MEI1: variants seen among roughly 807,000 people sequenced by gnomAD.
The protein encoded by MEI1 is meiotic double-stranded break formation protein 1.
A neutral mutation model predicts 146.2 loss-of-function variants in MEI1; 103 were observed. The observed-to-expected ratio is 0.70, with a 90% CI of 0.60 to 0.83. The LOEUF is 0.83. Among genes scored for constraint, MEI1 ranks in the 40% least tolerant of loss-of-function variants. MEI1 has a pLI of 0.00. For missense variants in MEI1, 1,529 were observed against 1,533.0 expected, an observed-to-expected ratio of 1.00 and a Z score of 0.04; for synonymous variants, 652 against 628.2, an observed-to-expected ratio of 1.04 and a Z score of -0.57.
chr22:41,741,555 C>T (rs1443778035), intron 11 of MEI1, among the ~76,000 whole-genome samples: 1 of 152,216 alleles, frequency 6.6e-6, no homozygotes, highest in Non-Finnish European at 1.5e-5. Flanking sequence ...TCTACATTTA[C>T]CCCACACTCA....
intron 19 of MEI1, among the ~76,000 whole-genome samples, chr22:41,770,362 T>A (rs1206909240): frequency 6.6e-6 from 1 of 151,990 alleles, no homozygotes; most frequent in Non-Finnish European, 1.5e-5. Context: ...ATCATTCTTG[T>A]GTGATAAGCT....
intron 18 of MEI1, among the ~76,000 whole-genome samples, chr22:41,760,052 G>A (rs1349352617): frequency 6.6e-6 from 1 of 152,072 alleles, no homozygotes; most frequent in Non-Finnish European, 1.5e-5. Flanking sequence ...GCTCACTCCT[G>A]TAATCCCAGC....
rs768648972 is a variant in MEI1, at chr22:41,795,247, C to G, written c.3535-164C>G. ...AGGTTGCCTTACTTACCCCACTTCCCCATGACACAGTCCCACCTCTGCCCA... is the reference window on the plus strand; with the variant it reads ...AGGTTGCCTTACTTACCCCACTTCCGCATGACACAGTCCCACCTCTGCCCA... On this transcript the variant is annotated intron_variant, in intron 28 of 30. Transcript: ENST00000401548. This position sits in a 1 kb window ranked among gnomAD's most constrained non-coding sequence, Gnocchi z 4.2. Among the ~76,000 whole-genome samples the G allele has an allele frequency of 6.6e-6, 1 of 152,160 alleles. No individual in the cohort carries two copies. The highest frequency in any genetic ancestry group is 1.5e-5 in the Non-Finnish European group (1 of 68,032).
chr22:41,740,918 A>C (rs554005505), intron 11 of MEI1, among the ~76,000 whole-genome samples: 31 of 152,114 alleles, frequency 2.0e-4, no homozygotes, highest in African/African-American at 7.0e-4. Flanking sequence ...TCAGTGCTCA[A>C]CAAAGGCTCA....
intron 12 of MEI1, among the ~76,000 whole-genome samples, chr22:41,743,954 G>GCA (rs1212031526): frequency 6.6e-6 from 1 of 151,910 alleles, no homozygotes; most frequent in African/African-American, 2.4e-5. Flanking sequence ...TCGACTCACT[G>GCA]CAACCTCCGC....
intron 19 of MEI1, chr22:41,767,749 C>T: frequency 2.6e-6 from 1 of 390,386 alleles, no homozygotes; most frequent in Non-Finnish European, 5.4e-6. Flanking sequence ...CAAACAAGTT[C>T]CTTGCCCTCA....
At chr22:41,713,855 A>T (rs1449991620) in intron 3 of MEI1, 147 bp from the exon 4 acceptor site, 1 of 664,930 alleles carries the variant, frequency 1.5e-6, no homozygotes, top group Admixed American at 2.7e-5. Context: ...GCCTGTGCAC[A>T]CATAGTTAAA....
chr22:41,791,786 A>C (rs58305229), intron 26 of MEI1, among the ~76,000 whole-genome samples: 1,586 of 152,360 alleles, frequency 0.01, 27 homozygotes, highest in African/African-American at 0.037. Context: ...TTGTATATCC[A>C]TACAATGAAA....
At chr22:41,720,030 C>G (rs1212308866) in intron 6 of MEI1, among the ~76,000 whole-genome samples, 2 of 152,148 alleles carry the variant, frequency 1.3e-5, no homozygotes, top group Non-Finnish European at 2.9e-5. Context: ...CAGAGATGAT[C>G]AAATCCAAGC....
intron 18 of MEI1, among the ~76,000 whole-genome samples, chr22:41,760,226 C>T (rs1207031583): frequency 3.3e-5 from 5 of 151,486 alleles, no homozygotes; most frequent in Non-Finnish European, 7.4e-5. Context: ...AGGAGAATGG[C>T]GTGAACCTGG....
At chr22:41,789,572 C>T (rs1169400365) in intron 26 of MEI1, among the ~76,000 whole-genome samples, 1 of 152,158 alleles carries the variant, frequency 6.6e-6, no homozygotes, top group Non-Finnish European at 1.5e-5. Context: ...GCAACTTTCA[C>T]CATCATCCAT....
intron 1 of MEI1, among the ~76,000 whole-genome samples, chr22:41,700,184 C>T (rs922124063): frequency 6.6e-6 from 1 of 152,146 alleles, no homozygotes; most frequent in Non-Finnish European, 1.5e-5. Context: ...GGGTGTGAAT[C>T]GGAGGAGGGG....
intron 13 of MEI1, among the ~76,000 whole-genome samples, chr22:41,745,630 A>G (rs1186863447): frequency 1.3e-5 from 2 of 152,162 alleles, no homozygotes; most frequent in Non-Finnish European, 2.9e-5. Flanking sequence ...ATAGCATGGC[A>G]TATTCGGGGA....
rs780009120 is a variant in MEI1 at position 41,781,392 on chromosome 22, G to C, written c.2924G>C (p.Arg975Thr). The stretch of plus-strand genomic sequence containing the variant: ...CAGACCACACCCAGCAGTCAGAAAA[G>C]AGGTGCAGGGGCCCGGGCTGGGACA... ...LHQTTPSSQK[R>T]AAAVLLSSTG... The change falls in exon 23 of 31, where the codon AGA (arginine) becomes ACA (threonine). Residue 975 changes from arginine to threonine, a missense_variant and splice_region_variant. By Grantham distance (71) the Arg-to-Thr change is moderately conservative. Coordinates refer to ENST00000401548, the MANE Select transcript of MEI1 (RefSeq NM_152513.4). 8 of 1,609,918 alleles carry C rather than the reference G, an allele frequency of 5.0e-6. No individual in the cohort carries two copies. In the African/African-American group the frequency reaches 6.7e-5, roughly 13 times the overall value.
chr22:41,748,058 C>T (rs765461391), intron 14 of MEI1, 49 bp from the exon 15 acceptor site: 1 of 1,308,400 alleles, frequency 7.6e-7, no homozygotes, highest in Non-Finnish European at 1.1e-6. Flanking sequence ...GCCTTTTCTT[C>T]AGAGGCTCAG....
chr22:41,744,234 G>A (rs1025914577), intron 12 of MEI1, among the ~76,000 whole-genome samples: 29 of 151,500 alleles, frequency 1.9e-4, no homozygotes, highest in African/African-American at 6.3e-4. Context: ...GCAGTGGTGC[G>A]ATTTTGGCTC....
At chr22:41,789,784 G>A (rs1046299316) in intron 26 of MEI1, among the ~76,000 whole-genome samples, 2 of 152,182 alleles carry the variant, frequency 1.3e-5, no homozygotes, top group Non-Finnish European at 2.9e-5. Context: ...CCTGGGAAGG[G>A]GAACCCAACC....
chr22:41,729,149 A>G, intron 7 of MEI1, among the ~76,000 whole-genome samples: 1 of 119,004 alleles, frequency 8.4e-6, no homozygotes, highest in Non-Finnish European at 1.6e-5. Flanking sequence ...TGGGCGACAG[A>G]GTGAGACTCC....
At chr22:41,726,852 C>G (rs2147506308) in intron 7 of MEI1, among the ~76,000 whole-genome samples, 1 of 151,812 alleles carries the variant, frequency 6.6e-6, no homozygotes, top group East Asian at 1.9e-4. Context: ...TGGCTCACTG[C>G]AAGCTCCACC....
Sources: gnomAD v4.1 joint callset for allele counts (sites outside exome capture counted in the v4.1 genomes callset) on GRCh38, gnomAD v4.1.1 for gene constraint, Gnocchi (gnomAD v3.1) non-coding constraint, MANE v1.5 for transcripts, NCBI Gene and HGNC (gene_info 2026-07-23, HGNC 2026-07-21) for gene names.